GDA: variants seen among roughly 807,000 people sequenced by gnomAD.
GDA encodes cytoplasmic PSD-95 interactor.
GDA carries 18 observed loss-of-function variants against 59.6 expected under a neutral mutation model. That is an observed-to-expected ratio of 0.30 (90% CI 0.21 to 0.45). The LOEUF is 0.45. Among genes scored for constraint, GDA ranks in the 20% least tolerant of loss-of-function variants. The pLI, the probability that GDA is intolerant of heterozygous loss-of-function variation, is 1.00. For synonymous variants in GDA, 201 were observed against 201.1 expected, an observed-to-expected ratio of 1.00 and a Z score of 0.00; for missense variants, 427 against 552.3, an observed-to-expected ratio of 0.77 and a Z score of 2.27.
chr9:72,191,438 G>A (rs1832524114), intron 1 of GDA, among the ~76,000 whole-genome samples: 1 of 151,688 alleles, frequency 6.6e-6, no homozygotes, highest in Admixed American at 6.6e-5. Context: ...CTGGTGGACT[G>A]GGCAAAAGTA....
At chr9:72,145,693 C>T, upstream of GDA, among the ~76,000 whole-genome samples, 1 of 152,192 alleles carries the variant, frequency 6.6e-6, no homozygotes, top group Non-Finnish European at 1.5e-5. Flanking sequence ...TTGGGGGCTA[C>T]TTGGCTCCAT....
intron 10 of GDA, among the ~76,000 whole-genome samples, chr9:72,232,824 T>G (rs1838512169): frequency 6.6e-6 from 1 of 152,222 alleles, no homozygotes; most frequent in South Asian, 2.1e-4. Flanking sequence ...ATTTCCTGAT[T>G]TCTACAACAA....
chr9:72,208,329 C>G (rs1834969984), intron 3 of GDA, among the ~76,000 whole-genome samples: 2 of 152,214 alleles, frequency 1.3e-5, no homozygotes. Flanking sequence ...TAGCTAATAA[C>G]AGGCAAAACG....
At chr9:72,215,258 A>T (rs1325919313) in intron 5 of GDA, among the ~76,000 whole-genome samples, 2 of 152,200 alleles carry the variant, frequency 1.3e-5, no homozygotes, top group African/African-American at 2.4e-5. Context: ...CTACAAAAGG[A>T]TTTTTTTAAA....
chr9:72,144,666 T>C (rs748569357), upstream of GDA, among the ~76,000 whole-genome samples: 2 of 152,180 alleles, frequency 1.3e-5, no homozygotes, highest in Non-Finnish European at 2.9e-5. Context: ...CTATTGTCAG[T>C]AAATACAGAG....
intron 1 of GDA, among the ~76,000 whole-genome samples, chr9:72,152,592 T>A (rs1377446642): frequency 6.6e-6 from 1 of 152,234 alleles, no homozygotes; most frequent in Non-Finnish European, 1.5e-5. Flanking sequence ...TGTCTTCTTT[T>A]GAGAAGTGTC....
At chr9:72,125,287 A>ATTCCTTCCTTTCTTCCTTCCTTCC (rs1825805155) in intron 1 of GDA, among the ~76,000 whole-genome samples, 3 of 151,088 alleles carry the variant, frequency 2.0e-5, no homozygotes, top group Non-Finnish European at 3.0e-5. Context: ...TCCTTCCTTC[A>ATTCCTTCCTTTCTTCCTTCCTTCC]TTCCTTCCTT....
chr9:72,219,132 C>T (rs1021431056), intron 5 of GDA, among the ~76,000 whole-genome samples: 2 of 151,936 alleles, frequency 1.3e-5, no homozygotes, highest in Admixed American at 6.6e-5. Flanking sequence ...CGGCCGGTCG[C>T]GGTGGTTCAC....
At chr9:72,137,711 G>A (rs983965032) in intron 1 of GDA, among the ~76,000 whole-genome samples, 1 of 152,046 alleles carries the variant, frequency 6.6e-6, no homozygotes, top group Non-Finnish European at 1.5e-5. Flanking sequence ...GTGGTGGGAG[G>A]CTGTGCTGCT....
At chr9:72,132,782 A>G (rs1796477703) in intron 1 of GDA, among the ~76,000 whole-genome samples, 2 of 152,112 alleles carry the variant, frequency 1.3e-5, no homozygotes, top group South Asian at 4.1e-4. Context: ...ACTAATCAGA[A>G]CAATATCCCT....
chr9:72,231,688 G>A (rs974950875), intron 10 of GDA, among the ~76,000 whole-genome samples: 5 of 152,112 alleles, frequency 3.3e-5, no homozygotes, highest in East Asian at 1.9e-4. Context: ...TCCTTCTGAC[G>A]TGTTTCAGAG....
chr9:72,124,737 G>A (rs1460368556), intron 1 of GDA, among the ~76,000 whole-genome samples: 1 of 152,046 alleles, frequency 6.6e-6, no homozygotes, highest in East Asian at 1.9e-4. Context: ...TTATATGATG[G>A]AGGTGGCTAA....
intron 1 of GDA, among the ~76,000 whole-genome samples, chr9:72,174,632 C>T (rs1830343825): frequency 6.6e-6 from 1 of 151,964 alleles, no homozygotes; most frequent in Admixed American, 6.6e-5. Flanking sequence ...TAGAAAGAAG[C>T]ACAGAGAGAA....
At chr9:72,127,304 CAAAT>C (rs1825879399) in intron 1 of GDA, among the ~76,000 whole-genome samples, 3 of 152,090 alleles carry the variant, frequency 2.0e-5, no homozygotes, top group African/African-American at 4.8e-5. Flanking sequence ...CATGAAGAAA[CAAAT>C]AAACAAACCA....
chr9:72,201,624 G>T (rs1453894849), intron 2 of GDA, among the ~76,000 whole-genome samples: 1 of 152,174 alleles, frequency 6.6e-6, no homozygotes, highest in Non-Finnish European at 1.5e-5. Context: ...AGTTCAAGTT[G>T]CTTATGTGAT....
At chr9:72,166,411 G>A (rs1184795551) in intron 1 of GDA, among the ~76,000 whole-genome samples, 2 of 149,888 alleles carry the variant, frequency 1.3e-5, no homozygotes, top group Admixed American at 6.7e-5. Flanking sequence ...TGGGAAGGAT[G>A]TGTGGGTGGG....
intron 1 of GDA, among the ~76,000 whole-genome samples, chr9:72,174,728 T>C (rs1830352057): frequency 2.0e-5 from 3 of 151,466 alleles, no homozygotes; most frequent in African/African-American, 7.3e-5. Flanking sequence ...AGGTTATATA[T>C]TGGGAACTGT....
chr9:72,191,364 T>G (rs1029822924), intron 1 of GDA, among the ~76,000 whole-genome samples: 6 of 151,230 alleles, frequency 4.0e-5, no homozygotes, highest in African/African-American at 1.5e-4. Flanking sequence ...TAAAAGACAA[T>G]GGAAATATGA....
At chr9:72,239,611 T>C (rs1322286100) in intron 10 of GDA, among the ~76,000 whole-genome samples, 2 of 152,268 alleles carry the variant, frequency 1.3e-5, no homozygotes, top group East Asian at 3.9e-4. Flanking sequence ...CACCTTTATT[T>C]ATATTTAACA....
Sources: gnomAD v4.1 joint callset for allele counts (sites outside exome capture counted in the v4.1 genomes callset) on GRCh38, gnomAD v4.1.1 for gene constraint, MANE v1.5 for transcripts, NCBI Gene and HGNC (gene_info 2026-07-23, HGNC 2026-07-21) for gene names.